Variants in SCAPER observed in about 807,000 individuals in gnomAD.
The protein encoded by SCAPER is S phase cyclin A-associated protein in the endoplasmic reticulum.
A neutral mutation model predicts 182.2 loss-of-function variants in SCAPER; 98 were observed. The observed-to-expected ratio is 0.54, with a 90% CI of 0.46 to 0.64. SCAPER has a LOEUF of 0.64. Among genes scored for constraint, SCAPER ranks in the 30% least tolerant of loss-of-function variants. The pLI, the probability that SCAPER is intolerant of heterozygous loss-of-function variation, is 0.00. For synonymous variants in SCAPER, 605 were observed against 564.6 expected, an observed-to-expected ratio of 1.07 and a Z score of -1.01; for missense variants, 1,432 against 1,690.0, an observed-to-expected ratio of 0.85 and a Z score of 2.68.
In SCAPER at chr15:76,592,745, G is replaced by A. The variant is rs1283827721; in HGVS notation, c.2712-18461C>T. Among the ~76,000 whole-genome samples the A allele has an allele frequency of 4.9e-5, 6 of 121,970 alleles. 3 individuals are homozygous for A. Among genetic ancestry groups the A allele is most frequent in the Admixed American group, 1.8e-4 (2 of 10,872 alleles). 80.0% of individuals were successfully genotyped at this position (121,970 alleles called of 152,430 possible). On this transcript the variant is annotated intron_variant, in intron 22 of 31. Coordinates refer to ENST00000563290, the MANE Select transcript of SCAPER (RefSeq NM_020843.4). The stretch of plus-strand genomic sequence containing the variant: ...TGGGGAACTCCCTCCCCTAGCCAAG[G>A]GAAGCCTTGAGGGACTGTGCCTTGA...
rs774648285 is a variant in SCAPER at position 76,621,851 on chromosome 15, A to T, written c.2646-22T>A. On this transcript the variant is annotated intron_variant, in intron 21 of 31. Transcript: ENST00000563290. ...AGCCCTGAAGAGAAAAAAAGTTTTA[A>T]CACAGTTATTTCACTGCTAATTTTT... 7 of 1,555,478 alleles carry T rather than the reference A, an allele frequency of 4.5e-6. No homozygotes were observed. In the South Asian group the frequency reaches 5.9e-5, roughly 13 times the overall value.
intron 25 of SCAPER, among the ~76,000 whole-genome samples, chr15:76,457,087 G>A (rs2048795766): frequency 6.7e-6 from 1 of 150,184 alleles, no homozygotes; most frequent in Non-Finnish European, 1.5e-5. Context: ...TTTTTAGATG[G>A]AGTCTCGCTT....
chr15:76,374,505 A>G (rs572819451), intron 29 of SCAPER, among the ~76,000 whole-genome samples: 2 of 141,408 alleles, frequency 1.4e-5, no homozygotes, highest in African/African-American at 5.3e-5. Flanking sequence ...TTTTTTTTAG[A>G]CAGAGTTTTG....
At chr15:76,360,516 C>T (rs1319224204) in intron 29 of SCAPER, among the ~76,000 whole-genome samples, 1 of 152,144 alleles carries the variant, frequency 6.6e-6, no homozygotes, top group East Asian at 1.9e-4. Flanking sequence ...CTCATGAGCC[C>T]ATTCCTTCCT....
At chr15:76,556,244 C>T (rs966048175) in intron 23 of SCAPER, among the ~76,000 whole-genome samples, 6 of 151,988 alleles carry the variant, frequency 3.9e-5, no homozygotes, top group African/African-American at 1.2e-4. Context: ...TACAACATAC[C>T]AGAATCTGTG....
At chr15:76,457,432 C>T (rs1271268822) in intron 25 of SCAPER, among the ~76,000 whole-genome samples, 3 of 152,120 alleles carry the variant, frequency 2.0e-5, no homozygotes, top group African/African-American at 7.2e-5. Context: ...TTCTGTTTGT[C>T]CCCTCTGTGT....
chr15:76,714,032 C>G (rs569133262), intron 17 of SCAPER, among the ~76,000 whole-genome samples: 5 of 151,964 alleles, frequency 3.3e-5, no homozygotes, highest in African/African-American at 1.2e-4. Context: ...GACATATACA[C>G]AAATACTACT....
chr15:76,466,700 C>T (rs987804204), intron 25 of SCAPER, among the ~76,000 whole-genome samples: 2 of 149,948 alleles, frequency 1.3e-5, no homozygotes, highest in Admixed American at 6.7e-5. Flanking sequence ...TATGAACTGG[C>T]TTTTGTAGTA....
intron 1 of SCAPER, among the ~76,000 whole-genome samples, chr15:76,894,979 C>A (rs1313891073): frequency 6.6e-6 from 1 of 152,134 alleles, no homozygotes; most frequent in Non-Finnish European, 1.5e-5. Flanking sequence ...AATACCAATC[C>A]TTCTCAAACT....
At chr15:76,614,369 T>C (rs1359455331) in intron 22 of SCAPER, among the ~76,000 whole-genome samples, 1 of 152,008 alleles carries the variant, frequency 6.6e-6, no homozygotes, top group Non-Finnish European at 1.5e-5. Context: ...ATGTAACAAA[T>C]CTGCACTTGT....
In SCAPER at chr15:76,619,212, T is replaced by C. The variant is rs139496181; in HGVS notation, c.2711+2552A>G. On this transcript the variant is annotated intron_variant, in intron 22 of 31. Transcript: ENST00000563290. ...GATATAAATGGAATCACAGACTATG[T>C]ACTTTTTATGCTCCAGCTTCTTTCA... 2.0e-3 allele frequency among the ~76,000 whole-genome samples: 311 copies of C among 152,360 alleles called. 1 individual carries two copies. Among genetic ancestry groups the C allele is most frequent in the African/African-American group, 7.2e-3 (299 of 41,586 alleles).
At chr15:76,722,662 G>A (rs1197626661) in intron 17 of SCAPER, among the ~76,000 whole-genome samples, 1 of 152,152 alleles carries the variant, frequency 6.6e-6, no homozygotes, top group East Asian at 1.9e-4. Flanking sequence ...TTGGGAGGGT[G>A]TATGTGTCAA....
intron 3 of SCAPER, among the ~76,000 whole-genome samples, chr15:76,858,921 C>T (rs1158221431): frequency 6.6e-6 from 1 of 152,136 alleles, no homozygotes; most frequent in African/African-American, 2.4e-5. Flanking sequence ...GAAAGTAGTG[C>T]TGTGATGAAC....
chr15:76,349,071 C>T (rs772879856), intron 31 of SCAPER: 6 of 163,896 alleles, frequency 3.7e-5, no homozygotes, highest in Admixed American at 1.9e-4. Context: ...CCTGTAGTCC[C>T]AGCTATTTGG....
chr15:76,706,057 T>C (rs1412235404), intron 17 of SCAPER, 73 bp from the exon 18 acceptor site: 2 of 1,179,988 alleles, frequency 1.7e-6, no homozygotes, highest in Non-Finnish European at 2.4e-6. Flanking sequence ...AAAAATACAA[T>C]TAGGACACAT....
intron 7 of SCAPER, among the ~76,000 whole-genome samples, chr15:76,799,903 G>C (rs1376932547): frequency 6.6e-6 from 1 of 152,018 alleles, no homozygotes; most frequent in Non-Finnish European, 1.5e-5. Flanking sequence ...ATGGATCCTA[G>C]GCTTCTGTTG....
chr15:76,363,254 G>A (rs1368912071), intron 29 of SCAPER, among the ~76,000 whole-genome samples: 3 of 152,206 alleles, frequency 2.0e-5, no homozygotes, highest in Non-Finnish European at 2.9e-5. Flanking sequence ...AAAACAACAG[G>A]TGTTCATTAA....
At chr15:76,750,592 G>C (rs1324787121) in intron 15 of SCAPER, among the ~76,000 whole-genome samples, 2 of 151,776 alleles carry the variant, frequency 1.3e-5, no homozygotes, top group African/African-American at 4.8e-5. Flanking sequence ...ATTTATTCCT[G>C]GAATGGTACA....
chr15:76,779,381 C>T (rs2063948436), intron 8 of SCAPER, among the ~76,000 whole-genome samples: 1 of 152,002 alleles, frequency 6.6e-6, no homozygotes, highest in South Asian at 2.1e-4. Context: ...ACAGATCTTC[C>T]ACCCATTAAA....
Sources: gnomAD v4.1 joint callset for allele counts (sites outside exome capture counted in the v4.1 genomes callset) on GRCh38, gnomAD v4.1.1 for gene constraint, MANE v1.5 for transcripts, NCBI Gene and HGNC (gene_info 2026-07-23, HGNC 2026-07-21) for gene names.